The following USP34 variants were observed in gnomAD, a reference collection of about 807,000 sequenced individuals.
The protein encoded by USP34 is ubiquitin specific peptidase 34, also known as ubiquitin carboxyl-terminal hydrolase 34.
Under a neutral mutation model 460.3 loss-of-function variants are expected in USP34, and 70 were observed. That is an observed-to-expected ratio of 0.15 (90% CI 0.13 to 0.19). USP34 has a LOEUF of 0.19. Among genes scored for constraint, USP34 ranks in the 10% least tolerant of loss-of-function variants. The pLI is 1.00. For synonymous variants in USP34, 1,647 were observed against 1,405.3 expected (o/e 1.17, Z -3.85); for missense variants, 3,985 against 4,236.2 (o/e 0.94, Z 1.65).
At chr2:61,410,613 A>AT (rs1206316105) in intron 2 of USP34, among the ~76,000 whole-genome samples, 10 of 152,024 alleles carry the variant, frequency 6.6e-5, no homozygotes, top group African/African-American at 2.2e-4. Flanking sequence ...ACCAGCTTGA[A>AT]TTTTTTTTAG....
intron 6 of USP34, among the ~76,000 whole-genome samples, chr2:61,380,780 G>T (rs1692945350): frequency 6.6e-6 from 1 of 152,192 alleles, no homozygotes; most frequent in African/African-American, 2.4e-5. Flanking sequence ...GCCTTCTCTT[G>T]CTGGGAACTC....
intron 3 of USP34, 35 bp downstream of exon 3, chr2:61,405,673 T>G (rs1324996008): frequency 1.3e-6 from 2 of 1,488,074 alleles, no homozygotes; most frequent in Non-Finnish European, 1.8e-6. Flanking sequence ...TAAGACTTGG[T>G]ATTACTTAAA....
At chr2:61,419,135 T>C (rs1249781379) in intron 2 of USP34, among the ~76,000 whole-genome samples, 1 of 152,162 alleles carries the variant, frequency 6.6e-6, no homozygotes, top group Non-Finnish European at 1.5e-5. Flanking sequence ...TCATCACTCG[T>C]TCACAGGTGA....
intron 44 of USP34, among the ~76,000 whole-genome samples, chr2:61,259,468 A>G (rs1688813286): frequency 1.3e-5 from 2 of 150,428 alleles, no homozygotes; most frequent in South Asian, 4.2e-4. Context: ...GCTTGCTGCA[A>G]CCTCTGCCTC....
intron 8 of USP34, among the ~76,000 whole-genome samples, chr2:61,374,337 A>G (rs1023392143): frequency 2.0e-5 from 3 of 151,974 alleles, no homozygotes; most frequent in East Asian, 1.9e-4. Context: ...TCCATATTCC[A>G]TATTTGTGAA....
intron 57 of USP34, among the ~76,000 whole-genome samples, chr2:61,235,633 AT>A (rs1391878419): frequency 6.6e-6 from 1 of 152,026 alleles, no homozygotes; most frequent in Admixed American, 6.6e-5. Context: ...CAAAACATGA[AT>A]TTTTAAGTGA....
At chr2:61,412,286 GA>G (rs11446796) in intron 2 of USP34, among the ~76,000 whole-genome samples, 14 of 150,310 alleles carry the variant, frequency 9.3e-5, no homozygotes, top group African/African-American at 2.4e-4. Context: ...ATACAAAAAG[GA>G]AAAAAAGATT....
chr2:61,345,470 C>G (rs1268042360), intron 15 of USP34, among the ~76,000 whole-genome samples: 1 of 152,128 alleles, frequency 6.6e-6, no homozygotes, highest in African/African-American at 2.4e-5. Context: ...TAGCAAAACT[C>G]AATCTGATAA....
chr2:61,466,758 A>C (rs1051002440), intron 1 of USP34, among the ~76,000 whole-genome samples: 8 of 152,170 alleles, frequency 5.3e-5, no homozygotes, highest in East Asian at 1.9e-4. Context: ...CTAAAAATAC[A>C]AAAATTAGCC....
At position 61,281,170 on chromosome 2, in the gene USP34, T is replaced by A; in HGVS notation, c.5071A>T (p.Ile1691Phe). Reference protein sequence around the residue: ...SLSGLDGGDSINRSFLLLAAS... With the variant: ...SLSGLDGGDSFNRSFLLLAAS... ...GCCAATAGCAGAAAAGAACGATTGA[T>A]TGAGTCTCCTCCATCCAGCCCTGAC... The change falls in exon 38 of 80, where the codon ATC becomes TTC. Residue 1691 changes from isoleucine (I) to phenylalanine (F), a missense_variant. Coordinates refer to ENST00000398571, the MANE Select transcript of USP34 (RefSeq NM_014709.4). The A allele has an allele frequency of 6.2e-7, 1 of 1,614,044 alleles. No individual in the cohort carries two copies. Among genetic ancestry groups the A allele is most frequent in the Non-Finnish European group, 8.5e-7 (1 of 1,179,966 alleles).
intron 70 of USP34, chr2:61,207,310 A>G (rs1361443171): frequency 6.5e-6 from 1 of 154,028 alleles, no homozygotes; most frequent in Non-Finnish European, 1.4e-5. Context: ...TGAAAGAGGT[A>G]AAAAGAGCTG....
rs1030701909 is a variant in USP34, at chr2:61,416,864, G to C, written c.131+3882C>G. ...GTAGAATGTATTGGTATTAAGAGGG[G>C]GCAGCACAGTGGAAGCCCTCATGAG... On this transcript the variant is annotated intron_variant, in intron 2 of 79. Coordinates refer to ENST00000398571, the MANE Select transcript of USP34 (RefSeq NM_014709.4). The C allele has an allele frequency of 1.1e-5, 8 of 718,958 alleles. No individual in the cohort carries two copies. The African/African-American group carries it at 1.2e-4, about 11-fold the overall frequency. The allele number at this position is 718,958 out of a possible 1,614,324, so 44.5% of individuals were successfully genotyped here.
At chr2:61,298,981 CCTT>C (rs1052399617) in intron 29 of USP34, among the ~76,000 whole-genome samples, 60 of 152,180 alleles carry the variant, frequency 3.9e-4, no homozygotes, top group African/African-American at 1.3e-3. Flanking sequence ...TTTGAAAAAA[CCTT>C]CTGCAAATTT....
intron 1 of USP34, among the ~76,000 whole-genome samples, chr2:61,465,762 G>A (rs1695743338): frequency 6.6e-6 from 1 of 152,092 alleles, no homozygotes; most frequent in Non-Finnish European, 1.5e-5. Flanking sequence ...TGGATCACGA[G>A]GTCAAGAGAT....
At chr2:61,399,384 T>C (rs1228544782) in intron 3 of USP34, among the ~76,000 whole-genome samples, 1 of 151,598 alleles carries the variant, frequency 6.6e-6, no homozygotes, top group African/African-American at 2.4e-5. Context: ...TGGTATGCAG[T>C]GTTACTCAGA....
At chr2:61,220,274 A>G (rs760208769) in intron 67 of USP34, 36 bp downstream of exon 67, 1 of 1,574,778 alleles carries the variant, frequency 6.4e-7, no homozygotes, top group East Asian at 2.3e-5. Context: ...TGAACAATAA[A>G]TAAATGGTTT....
intron 43 of USP34, among the ~76,000 whole-genome samples, chr2:61,264,203 A>G (rs1273522135): frequency 6.6e-6 from 1 of 152,240 alleles, no homozygotes; most frequent in Middle Eastern, 3.2e-3. Context: ...ATCAATAACT[A>G]AAGCCAAAAA....
rs371700814 is a variant in USP34 at position 61,298,307 on chromosome 2, G to C, written c.4129-1382C>G. ...GAGGCAGAGGTGGGCGGATCACAAG[G>C]TCAGGAGATCAAGACCATGCTGGCT... On this transcript the variant is annotated intron_variant, in intron 29 of 79. Transcript: ENST00000398571. 7.1e-4 allele frequency among the ~76,000 whole-genome samples: 99 copies of C among 139,732 alleles called. No homozygotes were observed. The Middle Eastern group carries it at 0.029, about 41-fold the overall frequency. 91.7% of individuals were successfully genotyped at this position (139,732 alleles called of 152,430 possible). A position where few individuals can be genotyped will look rare whatever the true frequency, so the allele number is the denominator to read the frequency against.
At position 61,296,866 on chromosome 2, in the gene USP34, C is replaced by T. The variant is rs750846172; in HGVS notation, c.4188G>A (p.Glu1396=). The change falls in exon 30 of 80, where the codon GAG becomes GAA. Residue 1396 remains glutamate, a synonymous_variant. Coordinates refer to ENST00000398571, the MANE Select transcript of USP34 (RefSeq NM_014709.4). ...GACATGTAGGAAGAAGCATCAGTAG[C>T]TCCCAGACCCGCCTAGACAGATTTT... The part of the protein sequence containing the change: ...HAENLSRRVW[E]LLMLLPTCPN... The T allele has an allele frequency of 2.5e-6, 4 of 1,613,960 alleles. No individual in the cohort carries two copies. Among genetic ancestry groups the T allele is most frequent in the Non-Finnish European group, 3.4e-6 (4 of 1,179,918 alleles).
Sources: gnomAD v4.1 joint callset for allele counts (sites outside exome capture counted in the v4.1 genomes callset) on GRCh38, gnomAD v4.1.1 for gene constraint, MANE v1.5 for transcripts, NCBI Gene and HGNC (gene_info 2026-07-23, HGNC 2026-07-21) for gene names.